Variants in LOXHD1 observed in about 807,000 individuals in gnomAD.
LOXHD1 encodes lipoxygenase homology domain-containing protein 1.
A neutral mutation model predicts 248.2 loss-of-function variants in LOXHD1; 205 were observed. The observed-to-expected ratio is 0.83, with a 90% CI of 0.74 to 0.93. The LOEUF is 0.93. Ranked by LOEUF, LOXHD1 falls within the 40% of genes least tolerant of loss-of-function variation. The probability of loss-of-function intolerance (pLI) is 0.00; values close to 1 mark genes in which losing one functional copy is unlikely to be tolerated. For synonymous variants in LOXHD1, 1,113 were observed against 1,162.8 expected (o/e 0.96, Z 0.87); for missense variants, 2,930 against 2,971.6 (o/e 0.99, Z 0.33).
intron 12 of LOXHD1, among the ~76,000 whole-genome samples, chr18:46,590,499 A>G (rs993986802): frequency 2.6e-5 from 4 of 152,176 alleles, no homozygotes; most frequent in Admixed American, 2.0e-4. Context: ...CTGCAGGCTC[A>G]ATTCTGGCGC....
At chr18:46,618,060 C>A (rs2038614268) in intron 5 of LOXHD1, 132 bp downstream of exon 5, 2 of 640,480 alleles carry the variant, frequency 3.1e-6, no homozygotes, top group South Asian at 4.0e-5. Flanking sequence ...AACCACATCA[C>A]AAGAAGTGAG....
In LOXHD1 at chr18:46,629,004, G is replaced by A. The variant is rs955900970; in HGVS notation, c.511+10612C>T. Among the ~76,000 whole-genome samples, 53 of 152,172 alleles carry A rather than the reference G, an allele frequency of 3.5e-4. 1 individual carries two copies. Among genetic ancestry groups the A allele is most frequent in the Admixed American group, 7.2e-4 (11 of 15,282 alleles). On this transcript the variant is annotated intron_variant, in intron 4 of 40. Transcript: ENST00000642948. ...CTATCTTGAAGATGGGAAGTATGGG[G>A]AGATGAAATAGGGCAGAAAGATCCA...
chr18:46,517,178 G>T (rs958491257), intron 34 of LOXHD1, among the ~76,000 whole-genome samples: 3 of 152,104 alleles, frequency 2.0e-5, no homozygotes, highest in African/African-American at 7.2e-5. Context: ...GATGTCAGGG[G>T]CCAGGGATGT....
At chr18:46,561,694 A>C (rs1296292629) in intron 18 of LOXHD1, among the ~76,000 whole-genome samples, 1 of 152,018 alleles carries the variant, frequency 6.6e-6, no homozygotes, top group Non-Finnish European at 1.5e-5. Context: ...TCATGAGTCC[A>C]CAATGCAGTC....
chr18:46,483,552 A>C (rs2032762563), intron 40 of LOXHD1, 35 bp downstream of exon 40: 2 of 1,550,836 alleles, frequency 1.3e-6, no homozygotes, highest in African/African-American at 2.7e-5. Flanking sequence ...ATGCTGAGGG[A>C]GTGGCACTTC....
Position 46,477,335 on chromosome 18 carries a change from G to A in LOXHD1, c.*137C>T, listed in dbSNP as rs999548037. On this transcript the variant is annotated 3_prime_UTR_variant, in exon 41 of 41. Transcript: ENST00000642948. ...TAAACTGGGGGTAGGGTGGGGAGCA[G>A]GACCCCATGAAGTTCTCAGTGGACT... 1 of 1,178,706 alleles carries A rather than the reference G, an allele frequency of 8.5e-7. No individual in the cohort carries two copies. The highest frequency in any genetic ancestry group is 2.0e-5 in the Admixed American group (1 of 50,356). 73.0% of individuals were successfully genotyped at this position (1,178,706 alleles called of 1,614,324 possible).
intron 10 of LOXHD1, among the ~76,000 whole-genome samples, chr18:46,592,811 C>T (rs989749296): frequency 2.0e-5 from 3 of 151,982 alleles, no homozygotes; most frequent in African/African-American, 4.8e-5. Context: ...CAGTCTGGGC[C>T]GGTGAAACTG....
intron 6 of LOXHD1, among the ~76,000 whole-genome samples, chr18:46,605,470 T>G (rs2144297095): frequency 6.6e-6 from 1 of 152,264 alleles, no homozygotes; most frequent in Admixed American, 6.5e-5. Context: ...GCCGGGATCG[T>G]GCCACTGTAC....
chr18:46,538,155 C>G lies in LOXHD1; in HGVS notation c.4095+1G>C. ...CTGGACAGCCTGCTGAGCCCAAGTA[C>G]CTCTACGATGAAGCGGGAGGCAGAC... On this transcript the variant is annotated splice_donor_variant, in intron 26 of 40. Transcript: ENST00000642948. LOFTEE classifies it high-confidence loss of function. 1 of 1,530,690 alleles carries G rather than the reference C, an allele frequency of 6.5e-7. No homozygotes were observed. Among genetic ancestry groups the G allele is most frequent in the Non-Finnish European group, 8.9e-7 (1 of 1,129,828 alleles). 94.8% of individuals were successfully genotyped at this position (1,530,690 alleles called of 1,614,324 possible). A position where few individuals can be genotyped will look rare whatever the true frequency, so the allele number is the denominator to read the frequency against.
intron 24 of LOXHD1, 73 bp downstream of exon 24, chr18:46,542,654 T>G: frequency 6.6e-7 from 1 of 1,521,718 alleles, no homozygotes; most frequent in Non-Finnish European, 8.9e-7. Flanking sequence ...CCAGAATCTT[T>G]CCCAGATGCC....
chr18:46,628,164 T>C (rs1397465989), intron 4 of LOXHD1, among the ~76,000 whole-genome samples: 1 of 152,212 alleles, frequency 6.6e-6, no homozygotes, highest in Non-Finnish European at 1.5e-5. Context: ...TTCCATTTTC[T>C]CCTCTCTGAA....
At chr18:46,518,856 G>A (rs1045598267) in intron 33 of LOXHD1, 15 of 983,782 alleles carry the variant, frequency 1.5e-5, no homozygotes, top group Non-Finnish European at 1.8e-5. Context: ...CGAATGAGGG[G>A]TGCCATCGGG....
intron 40 of LOXHD1, among the ~76,000 whole-genome samples, chr18:46,479,765 AAAAAAAAAAAAC>A (rs1446632241): frequency 3.4e-4 from 38 of 111,146 alleles, no homozygotes; most frequent in African/African-American, 9.9e-4. Flanking sequence ...TCTTAACAGA[AAAAAAAAAAAAC>A]AAAAAAAAAA....
At chr18:46,653,204 G>A (rs1380746197) in intron 1 of LOXHD1, among the ~76,000 whole-genome samples, 2 of 152,228 alleles carry the variant, frequency 1.3e-5, no homozygotes, top group Non-Finnish European at 2.9e-5. Context: ...GCGAGATCAC[G>A]CCACTGCACT....
intron 27 of LOXHD1, 72 bp downstream of exon 27, chr18:46,534,263 C>A: frequency 1.9e-6 from 2 of 1,057,992 alleles, no homozygotes; most frequent in Non-Finnish European, 2.8e-6. Context: ...TAGGTCCTCA[C>A]AGGGAATTTG....
At chr18:46,492,098 A>T (rs2033524194) in intron 37 of LOXHD1, among the ~76,000 whole-genome samples, 1 of 134,670 alleles carries the variant, frequency 7.4e-6, no homozygotes, top group African/African-American at 2.6e-5. Flanking sequence ...AATCTATGAA[A>T]CATGCAACTA....
At chr18:46,635,782 A>T (rs1373172974) in intron 4 of LOXHD1, among the ~76,000 whole-genome samples, 1 of 152,200 alleles carries the variant, frequency 6.6e-6, no homozygotes, top group Non-Finnish European at 1.5e-5. Flanking sequence ...TGTAAGTTGT[A>T]AAAAGTGAGT....
chr18:46,546,991 A>G lies in LOXHD1; in HGVS notation c.3418T>C (p.Leu1140=), dbSNP rs1277807428. ...AGCACATAGGACTCATCCACTGGCA[A>G]CAGCTCCCTGGACAGCTGGCCATCA... The part of the protein sequence containing the change: ...EDDGQLSREL[L]PVDESYVLPQ... The change falls in exon 22 of 41, where the codon TTG becomes CTG. Residue 1140 remains leucine (L), a synonymous_variant. Transcript: ENST00000642948. 6.4e-7 allele frequency: 1 copy of G among 1,551,766 alleles called. No homozygotes were observed. The highest frequency in any genetic ancestry group is 8.7e-7 in the Non-Finnish European group (1 of 1,146,998).
At chr18:46,495,989 G>A (rs1018888909) in intron 37 of LOXHD1, among the ~76,000 whole-genome samples, 2 of 152,084 alleles carry the variant, frequency 1.3e-5, no homozygotes, top group Non-Finnish European at 2.9e-5. Flanking sequence ...CCGAGATGGC[G>A]CCGCTGCACT....
Sources: allele counts gnomAD v4.1 joint callset (sites outside exome capture counted in the v4.1 genomes callset), GRCh38; gene constraint gnomAD v4.1.1; transcripts MANE v1.5; gene names NCBI Gene and HGNC (gene_info 2026-07-23, HGNC 2026-07-21).